GALNT17: variants seen among roughly 807,000 people sequenced by gnomAD.
GALNT17 encodes UDP-GalNAc:polypeptide N-acetylgalactosaminyltransferase-like 3.
GALNT17 carries 29 observed loss-of-function variants against 63.7 expected under a neutral mutation model. That is an observed-to-expected ratio of 0.46 (90% confidence interval 0.34 to 0.62). GALNT17 has a LOEUF of 0.62. GALNT17 is among the 20% of genes least tolerant of loss of function. The pLI is 0.01. For missense variants in GALNT17, 603 were observed against 799.6 expected (o/e 0.75, Z 2.97); for synonymous variants, 305 against 318.3 (o/e 0.96, Z 0.45).
chr7:71,291,828 C>T (rs996982162), intron 1 of GALNT17, among the ~76,000 whole-genome samples: 2 of 151,932 alleles, frequency 1.3e-5, no homozygotes, highest in African/African-American at 2.4e-5. Flanking sequence ...TTTATCTTTT[C>T]GATTGTTTTA....
At chr7:71,309,069 A>T (rs1183301699) in intron 1 of GALNT17, among the ~76,000 whole-genome samples, 3 of 151,726 alleles carry the variant, frequency 2.0e-5, no homozygotes, top group African/African-American at 7.3e-5. Flanking sequence ...TCTATCCACC[A>T]CTTGTCCTAG....
At chr7:71,315,031 C>T (rs1454549402) in intron 1 of GALNT17, among the ~76,000 whole-genome samples, 3 of 152,196 alleles carry the variant, frequency 2.0e-5, no homozygotes, top group African/African-American at 4.8e-5. Flanking sequence ...GGCAGTCACT[C>T]CTCAATCCAC....
chr7:71,232,602 G>T (rs754698643), intron 1 of GALNT17, among the ~76,000 whole-genome samples: 4 of 152,266 alleles, frequency 2.6e-5, no homozygotes, highest in Admixed American at 1.3e-4. Context: ...ATTCAAGAGT[G>T]AGCCAGTAGT....
intron 6 of GALNT17, among the ~76,000 whole-genome samples, chr7:71,621,336 C>G (rs1482605710): frequency 6.6e-6 from 1 of 152,182 alleles, no homozygotes; most frequent in Admixed American, 6.5e-5. Context: ...ATCACAAGCT[C>G]TCTAAGAAGA....
At chr7:71,166,495 C>T (rs1405689360) in intron 1 of GALNT17, among the ~76,000 whole-genome samples, 2 of 152,210 alleles carry the variant, frequency 1.3e-5, no homozygotes, top group African/African-American at 2.4e-5. Flanking sequence ...ACTCATCCGT[C>T]GTGTCTTCCT....
rs149074490 is a variant in GALNT17, at chr7:71,710,811, C to T, written c.1551C>T (p.Thr517=). ...TCCTGCACTTGGGTGCCCTGGGGAC[C>T]ACCACACTCCTCCCTGACACCCGCT... ...EGFLHLGALG[T]TTLLPDTRCL... is the part of the protein sequence containing the mutation. Residue 517 remains threonine (T), a synonymous_variant, in exon 10 of 11, where the codon ACC becomes ACT. Transcript: ENST00000333538. 1.2e-4 allele frequency: 200 copies of T among 1,613,388 alleles called. No homozygotes were observed. Among genetic ancestry groups the T allele is most frequent in the Non-Finnish European group, 1.6e-4 (187 of 1,179,942 alleles).
chr7:71,203,162 C>T (rs1796082), intron 1 of GALNT17, among the ~76,000 whole-genome samples: 50,782 of 151,990 alleles, frequency 0.33, 10,317 homozygotes, highest in African/African-American at 0.57. Context: ...GGATATGTAC[C>T]CAGACGTGGG....
intron 5 of GALNT17, among the ~76,000 whole-genome samples, chr7:71,549,034 C>T (rs1454735576): frequency 6.6e-6 from 1 of 152,164 alleles, no homozygotes; most frequent in East Asian, 1.9e-4. Flanking sequence ...TGCCCCTTGC[C>T]AGCTACTGGA....
chr7:71,701,950 A>G (rs964186981), intron 9 of GALNT17, among the ~76,000 whole-genome samples: 2 of 147,394 alleles, frequency 1.4e-5, no homozygotes, highest in Non-Finnish European at 3.0e-5. Context: ...ATGGAACACT[A>G]TGCAACCATA....
chr7:71,155,941 A>AGC (rs1788227261), intron 1 of GALNT17, among the ~76,000 whole-genome samples: 1 of 151,956 alleles, frequency 6.6e-6, no homozygotes, highest in Non-Finnish European at 1.5e-5. Flanking sequence ...TCATGCCTGT[A>AGC]ATCCCAGCAC....
At chr7:71,468,290 A>G (rs1184379673) in intron 5 of GALNT17, among the ~76,000 whole-genome samples, 1 of 151,998 alleles carries the variant, frequency 6.6e-6, no homozygotes, top group Admixed American at 6.6e-5. Flanking sequence ...TCATCCTCCC[A>G]AAGTGCTGGG....
At chr7:71,329,630 A>C (rs1328422811) in intron 1 of GALNT17, among the ~76,000 whole-genome samples, 1 of 152,114 alleles carries the variant, frequency 6.6e-6, no homozygotes, top group Non-Finnish European at 1.5e-5. Context: ...AAGCAGGCAC[A>C]ATCTTCACAT....
intron 1 of GALNT17, among the ~76,000 whole-genome samples, chr7:71,317,659 T>A (rs757617258): frequency 2.0e-5 from 3 of 152,122 alleles, no homozygotes; most frequent in Non-Finnish European, 4.4e-5. Flanking sequence ...AGGGCTGGAG[T>A]GGCCTTGGAT....
chr7:71,154,268 C>T (rs1211502113), intron 1 of GALNT17, among the ~76,000 whole-genome samples: 6 of 152,092 alleles, frequency 3.9e-5, no homozygotes, highest in Non-Finnish European at 8.8e-5. Context: ...TTCCGGCTTC[C>T]AGCTGTTTGT....
intron 5 of GALNT17, among the ~76,000 whole-genome samples, chr7:71,438,240 C>T (rs1054160862): frequency 6.6e-6 from 1 of 152,182 alleles, no homozygotes; most frequent in Non-Finnish European, 1.5e-5. Flanking sequence ...GGAAGCCAGT[C>T]CAAGTTCCAA....
chr7:71,529,738 G>A (rs1788683571), intron 5 of GALNT17, among the ~76,000 whole-genome samples: 1 of 152,176 alleles, frequency 6.6e-6, no homozygotes, highest in Non-Finnish European at 1.5e-5. Flanking sequence ...CATGCCGCAT[G>A]CCACATGTAA....
chr7:71,415,863 C>A (rs1554367918), intron 3 of GALNT17, 26 bp from the exon 4 acceptor site: 1 of 1,558,870 alleles, frequency 6.4e-7, no homozygotes, highest in Non-Finnish European at 8.7e-7. Context: ...TGTTTATAGA[C>A]CTTCTTGCAT....
intron 5 of GALNT17, among the ~76,000 whole-genome samples, chr7:71,486,502 A>G (rs1037700178): frequency 1.3e-5 from 2 of 151,656 alleles, no homozygotes; most frequent in Non-Finnish European, 2.9e-5. Context: ...GCTTCTCACA[A>G]CAGCAGACAG....
chr7:71,623,202 G>A (rs1456157189), intron 6 of GALNT17, among the ~76,000 whole-genome samples: 1 of 152,142 alleles, frequency 6.6e-6, no homozygotes, highest in Non-Finnish European at 1.5e-5. Flanking sequence ...TTTACTAGTT[G>A]TGTGGCATTA....
Sources: allele counts gnomAD v4.1 joint callset (sites outside exome capture counted in the v4.1 genomes callset), GRCh38; gene constraint gnomAD v4.1.1; transcripts MANE v1.5; gene names NCBI Gene and HGNC (gene_info 2026-07-23, HGNC 2026-07-21).